MICU3: variants seen among roughly 807,000 people sequenced by gnomAD.
MICU3 encodes the protein calcium uptake protein 3, mitochondrial.
MICU3 carries 62 observed loss-of-function variants against 66.5 expected under a neutral mutation model. That is an observed-to-expected ratio of 0.93 (90% CI 0.76 to 1.15). The LOEUF (loss-of-function observed/expected upper bound fraction) is 1.15, where lower values mean the gene tolerates loss of function less well. Among genes scored for constraint, MICU3 ranks in the 50% most tolerant of loss-of-function variants. MICU3 has a pLI of 0.00. For missense variants in MICU3, 779 were observed against 664.4 expected (o/e 1.17, Z -1.90); for synonymous variants, 308 against 240.7 (o/e 1.28, Z -2.59).
chr8:17,133,484 T>G, the MICU3 span, among the ~76,000 whole-genome samples: 1 of 152,174 alleles, frequency 6.6e-6, no homozygotes, highest in Non-Finnish European at 1.5e-5. Context: ...AGTGTATTAT[T>G]TCAGTTTTAT....
chr8:17,065,036 A>T (rs995946696), intron 2 of MICU3, among the ~76,000 whole-genome samples: 1 of 152,154 alleles, frequency 6.6e-6, no homozygotes, highest in Non-Finnish European at 1.5e-5. Flanking sequence ...TCACAATTTC[A>T]ATTTTGGTCA....
chr8:17,104,349 CT>C, intron 9 of MICU3, 41 bp from the exon 10 acceptor site: 1 of 1,050,918 alleles, frequency 9.5e-7, no homozygotes, highest in Non-Finnish European at 1.3e-6. Context: ...TATTCTGTTT[CT>C]TTTATTGAAG....
At chr8:17,029,501 G>C (rs755601628) in intron 1 of MICU3, among the ~76,000 whole-genome samples, 1 of 152,044 alleles carries the variant, frequency 6.6e-6, no homozygotes, top group African/African-American at 2.4e-5. Context: ...TTTTTTATTC[G>C]TTTATTTATT....
chr8:17,040,438 T>G (rs1813872663), intron 1 of MICU3, among the ~76,000 whole-genome samples: 1 of 152,212 alleles, frequency 6.6e-6, no homozygotes. Context: ...TACATTGGAC[T>G]TTATGGAGAT....
intron 14 of MICU3, 117 bp downstream of exon 14, chr8:17,118,892 A>G (rs926983660): frequency 3.3e-6 from 2 of 612,292 alleles, no homozygotes; most frequent in Admixed American, 3.5e-5. Context: ...ATTTATTTTT[A>G]ATTTTTAAGT....
At chr8:17,112,948 G>A (rs978454279) in intron 11 of MICU3, among the ~76,000 whole-genome samples, 2 of 152,142 alleles carry the variant, frequency 1.3e-5, no homozygotes, top group African/African-American at 4.8e-5. Context: ...AAAACATGAT[G>A]GGTGGGATAG....
intron 11 of MICU3, among the ~76,000 whole-genome samples, chr8:17,106,076 A>G (rs1367724085): frequency 6.6e-6 from 1 of 152,058 alleles, no homozygotes; most frequent in Non-Finnish European, 1.5e-5. Flanking sequence ...ACCTGGGACA[A>G]CTGATTGCCT....
At chr8:17,036,428 T>C (rs1585165766) in intron 1 of MICU3, among the ~76,000 whole-genome samples, 1 of 152,160 alleles carries the variant, frequency 6.6e-6, no homozygotes, top group Non-Finnish European at 1.5e-5. Context: ...TCGGGCAGCC[T>C]GCTTTTATTC....
At chr8:17,106,603 G>C (rs1394677156) in intron 11 of MICU3, among the ~76,000 whole-genome samples, 1 of 149,392 alleles carries the variant, frequency 6.7e-6, no homozygotes, top group Non-Finnish European at 1.5e-5. Flanking sequence ...TAACTTAAAA[G>C]GTTAAGTTTT....
At chr8:17,097,354 TTC>T (rs1243032122) in intron 8 of MICU3, among the ~76,000 whole-genome samples, 1 of 151,758 alleles carries the variant, frequency 6.6e-6, no homozygotes, top group Non-Finnish European at 1.5e-5. Flanking sequence ...GTGATGCAGA[TTC>T]TCTGTCAATT....
chr8:17,093,771 A>G (rs866240316), intron 8 of MICU3, among the ~76,000 whole-genome samples: 66 of 152,092 alleles, frequency 4.3e-4, no homozygotes, highest in South Asian at 1.2e-3. Context: ...AGTTATCAGA[A>G]TGAATATACT....
chr8:17,030,835 G>C (rs918570213), intron 1 of MICU3, among the ~76,000 whole-genome samples: 1 of 151,808 alleles, frequency 6.6e-6, no homozygotes, highest in Non-Finnish European at 1.5e-5. Context: ...CTTCTATTTG[G>C]TCTCTGCAGA....
In MICU3 at chr8:17,102,362, C is replaced by G. The variant is rs554560912; in HGVS notation, c.985-2029C>G. The G allele has an allele frequency of 1.1e-4, 17 of 151,962 alleles. 1 individual carries two copies. The highest frequency in any genetic ancestry group is 3.9e-4 in the African/African-American group (16 of 41,478). The allele number at this position is 151,962 out of a possible 1,614,324, so 9.4% of individuals were successfully genotyped here. The stretch of plus-strand genomic sequence containing the variant: ...CTCTATTAAATCACACAAAGAGTGC[C>G]TATAATTAATACCAGATTTCTTTTT... On this transcript the variant is annotated intron_variant, in intron 9 of 14. Coordinates refer to ENST00000318063, the MANE Select transcript of MICU3 (RefSeq NM_181723.3).
intron 2 of MICU3, among the ~76,000 whole-genome samples, chr8:17,064,669 G>T (rs1239799539): frequency 6.6e-6 from 1 of 151,930 alleles, no homozygotes; most frequent in East Asian, 1.9e-4. Flanking sequence ...TTAGAATAAT[G>T]GTTCTCAAAA....
At chr8:17,031,713 G>A (rs372804459) in intron 1 of MICU3, among the ~76,000 whole-genome samples, 28 of 152,228 alleles carry the variant, frequency 1.8e-4, no homozygotes, top group African/African-American at 4.6e-4. Flanking sequence ...TAAGCCTGGC[G>A]TGTAAATTAA....
chr8:17,089,641 G>T (rs1799834250), intron 7 of MICU3, among the ~76,000 whole-genome samples: 1 of 151,984 alleles, frequency 6.6e-6, no homozygotes, highest in South Asian at 2.1e-4. Context: ...TATTAGCCCT[G>T]CCACTCATTA....
chr8:17,095,719 C>G (rs1800605886), intron 8 of MICU3, among the ~76,000 whole-genome samples: 1 of 151,752 alleles, frequency 6.6e-6, no homozygotes, highest in African/African-American at 2.4e-5. Flanking sequence ...TCCTAACTGC[C>G]TTTTTCCCTC....
rs1412685569 is a variant in MICU3 at position 17,105,406 on chromosome 8, G to T, written c.1086-7G>T. 3 of 1,485,912 alleles carry T rather than the reference G, an allele frequency of 2.0e-6. No individual in the cohort carries two copies. Among genetic ancestry groups the T allele is most frequent in the African/African-American group, 1.4e-5 (1 of 69,568 alleles). The allele number at this position is 1,485,912 out of a possible 1,614,324, so 92.0% of individuals were successfully genotyped here. On this transcript the variant is annotated splice_polypyrimidine_tract_variant and splice_region_variant and intron_variant, in intron 10 of 14. Coordinates refer to ENST00000318063, the MANE Select transcript of MICU3 (RefSeq NM_181723.3). The stretch of plus-strand genomic sequence containing the variant: ...CTTTTTCCTTCTTTATTACATTTTT[G>T]TCATAGATTCATGGATAATCTCCAA...
At chr8:17,052,703 G>A (rs1816298569) in intron 1 of MICU3, among the ~76,000 whole-genome samples, 2 of 152,272 alleles carry the variant, frequency 1.3e-5, no homozygotes, top group African/African-American at 4.8e-5. Context: ...TTCACTTAGA[G>A]TACTTGGGAT....
Sources: gnomAD v4.1 joint callset for allele counts (sites outside exome capture counted in the v4.1 genomes callset) on GRCh38, gnomAD v4.1.1 for gene constraint, MANE v1.5 for transcripts, NCBI Gene and HGNC (gene_info 2026-07-23, HGNC 2026-07-21) for gene names.